C1QTNF3: variants seen among roughly 807,000 people sequenced by gnomAD.
The protein encoded by C1QTNF3 is C1q and TNF related 3, also known as complement C1q tumor necrosis factor-related protein 3.
C1QTNF3 carries 26 observed loss-of-function variants against 32.6 expected under a neutral mutation model. The observed-to-expected ratio is 0.80, with a 90% CI of 0.58 to 1.11. The LOEUF (loss-of-function observed/expected upper bound fraction) is 1.11, where lower values mean the gene tolerates loss of function less well. Ranked by LOEUF, C1QTNF3 falls within the 50% of genes least tolerant of loss-of-function variation. The probability of loss-of-function intolerance (pLI) is 0.00; values close to 1 mark genes in which losing one functional copy is unlikely to be tolerated. For synonymous variants in C1QTNF3, 155 were observed against 146.0 expected, an observed-to-expected ratio of 1.06 and a Z score of -0.44; for missense variants, 362 against 398.2, an observed-to-expected ratio of 0.91 and a Z score of 0.77.
At chr5:34,084,191 G>T in the C1QTNF3 span, among the ~76,000 whole-genome samples, 1 of 151,758 alleles carries the variant, frequency 6.6e-6, no homozygotes, top group Non-Finnish European at 1.5e-5. Context: ...ACTGAAAACA[G>T]TGTCTAATGG....
chr5:34,161,424 T>C, the C1QTNF3 span, among the ~76,000 whole-genome samples: 2 of 151,474 alleles, frequency 1.3e-5, no homozygotes, highest in Middle Eastern at 3.4e-3. Flanking sequence ...GGTTTTTCAA[T>C]TGTTAAAAAA....
At chr5:34,063,693 G>C in the C1QTNF3 span, among the ~76,000 whole-genome samples, 1 of 152,130 alleles carries the variant, frequency 6.6e-6, no homozygotes. Context: ...GGGATACCAG[G>C]GACAAGACCC....
chr5:34,241,429 G>T, the C1QTNF3 span, among the ~76,000 whole-genome samples: 42,816 of 149,246 alleles, frequency 0.29, 6,475 homozygotes, highest in East Asian at 0.49. Context: ...AATGATAAAG[G>T]ATTTTAGCAA....
At chr5:34,042,710 C>T (rs1357633911) in intron 1 of C1QTNF3, 113 bp downstream of exon 1, 22 of 1,087,312 alleles carry the variant, frequency 2.0e-5, no homozygotes, top group East Asian at 1.7e-4. Context: ...GCGAACTTCT[C>T]GAAAGCATTC....
the C1QTNF3 span, among the ~76,000 whole-genome samples, chr5:34,227,957 C>A: frequency 6.7e-6 from 1 of 149,654 alleles, no homozygotes; most frequent in Non-Finnish European, 1.5e-5. Context: ...TTATTTGTCT[C>A]TTGTTGGCAT....
chr5:34,121,871 G>T, the C1QTNF3 span, among the ~76,000 whole-genome samples: 5 of 152,094 alleles, frequency 3.3e-5, no homozygotes, highest in South Asian at 2.1e-4. Context: ...GTCTGAGAGA[G>T]ACCTCCCCCT....
chr5:34,240,790 T>C, the C1QTNF3 span, among the ~76,000 whole-genome samples: 1 of 152,120 alleles, frequency 6.6e-6, no homozygotes, highest in African/African-American at 2.4e-5. Flanking sequence ...ATCAGCTTAA[T>C]ACCAAAACCT....
chr5:34,074,607 C>CA, the C1QTNF3 span, among the ~76,000 whole-genome samples: 1 of 151,726 alleles, frequency 6.6e-6, no homozygotes, highest in Non-Finnish European at 1.5e-5. Context: ...TAAACAACCC[C>CA]AAAATCACGT....
the C1QTNF3 span, among the ~76,000 whole-genome samples, chr5:34,134,564 C>T: frequency 6.6e-6 from 1 of 152,112 alleles, no homozygotes; most frequent in African/African-American, 2.4e-5. Flanking sequence ...CAATATCTAA[C>T]AAAACTTTCC....
chr5:34,092,362 A>T, the C1QTNF3 span, among the ~76,000 whole-genome samples: 10 of 152,002 alleles, frequency 6.6e-5, no homozygotes, highest in African/African-American at 2.4e-4. Context: ...AAGTGTATTC[A>T]TCTGCTTCTT....
the C1QTNF3 span, among the ~76,000 whole-genome samples, chr5:34,134,239 T>G: frequency 6.6e-6 from 1 of 152,138 alleles, no homozygotes; most frequent in Admixed American, 6.6e-5. Flanking sequence ...CCAATTAAAT[T>G]TTTTTTTCAA....
At chr5:34,180,477 A>G in the C1QTNF3 span, among the ~76,000 whole-genome samples, 1 of 152,308 alleles carries the variant, frequency 6.6e-6, no homozygotes, top group African/African-American at 2.4e-5. Flanking sequence ...TGATTGCACC[A>G]CTGCACTCCA....
chr5:34,069,045 T>TA, the C1QTNF3 span, among the ~76,000 whole-genome samples: 1 of 146,570 alleles, frequency 6.8e-6, no homozygotes, highest in Non-Finnish European at 1.5e-5. Flanking sequence ...TTTCATTAGT[T>TA]AGATTCACCC....
chr5:34,233,983 T>A, the C1QTNF3 span, among the ~76,000 whole-genome samples: 2 of 152,136 alleles, frequency 1.3e-5, no homozygotes, highest in South Asian at 4.1e-4. Context: ...TTTTCTTATT[T>A]AAAAAAATCA....
chr5:34,213,800 TATATATATA>T, the C1QTNF3 span, among the ~76,000 whole-genome samples: 47 of 3,070 alleles, frequency 0.015, 1 homozygote, highest in South Asian at 0.17. Flanking sequence ...TATATATATA[TATATATATA>T]TTTTTTTTTT....
the C1QTNF3 span, among the ~76,000 whole-genome samples, chr5:34,195,744 G>C: frequency 6.6e-6 from 1 of 152,130 alleles, no homozygotes; most frequent in Non-Finnish European, 1.5e-5. Flanking sequence ...GGAGGCTGAC[G>C]CAGGAGAATG....
chr5:34,056,896 G>GA, the C1QTNF3 span, among the ~76,000 whole-genome samples: 6 of 152,074 alleles, frequency 3.9e-5, no homozygotes, highest in Admixed American at 1.3e-4. Context: ...AAAATAACAA[G>GA]AAAAAAACCG....
chr5:34,221,791 A>G, the C1QTNF3 span, among the ~76,000 whole-genome samples: 4 of 152,066 alleles, frequency 2.6e-5, no homozygotes, highest in Non-Finnish European at 2.9e-5. Flanking sequence ...GACTTTTCTA[A>G]TCATCCTGGA....
the C1QTNF3 span, among the ~76,000 whole-genome samples, chr5:34,157,650 C>G: frequency 6.6e-6 from 1 of 152,122 alleles, no homozygotes; most frequent in Non-Finnish European, 1.5e-5. Context: ...GAAGAATGAT[C>G]AGAGAGATAA....
Sources: gnomAD v4.1 joint callset for allele counts (sites outside exome capture counted in the v4.1 genomes callset) on GRCh38, gnomAD v4.1.1 for gene constraint, MANE v1.5 for transcripts, NCBI Gene and HGNC (gene_info 2026-07-23, HGNC 2026-07-21) for gene names.